The following CACHD1 variants were observed in gnomAD, a reference collection of about 807,000 sequenced individuals.
CACHD1 encodes the protein cache domain containing 1.
In CACHD1, 71 loss-of-function variants were observed where a neutral mutation model predicts 138.7. The ratio of observed to expected loss-of-function variants is 0.51; its 90% confidence interval spans 0.42 to 0.62. The LOEUF (loss-of-function observed/expected upper bound fraction) is 0.62, where lower values mean the gene tolerates loss of function less well. Ranked by LOEUF, CACHD1 falls within the 20% of genes least tolerant of loss-of-function variation. The pLI is 0.00. For missense variants in CACHD1, 1,389 were observed against 1,625.3 expected (o/e 0.85, Z 2.50); for synonymous variants, 578 against 591.5 (o/e 0.98, Z 0.33).
chr1:64,639,472 A>G (rs1648630435), intron 7 of CACHD1, among the ~76,000 whole-genome samples: 1 of 152,236 alleles, frequency 6.6e-6, no homozygotes, highest in South Asian at 2.1e-4. Context: ...TCTGATAACT[A>G]AATAGTGAAA....
Position 64,602,816 on chromosome 1 carries a change from A to G in CACHD1, c.421A>G (p.Asn141Asp). 2 of 1,610,770 alleles carry G rather than the reference A, an allele frequency of 1.2e-6. No individual in the cohort carries two copies. Among genetic ancestry groups the G allele is most frequent in the Non-Finnish European group, 1.7e-6 (2 of 1,177,320 alleles). ...IPPSMMEFDG[N>D]FNTNVSRTIS... ...CTCCTATTGTTTCAGATTCGATGGG[A>G]ACTTTAATACCAATGTGTCTAGAAC... The change falls in exon 4 of 27, where the codon AAC becomes GAC. Residue 141 changes from asparagine to aspartate, a missense_variant. Physicochemically the swap from Asn to Asp is conservative, Grantham distance 23. Transcript: ENST00000651257.
intron 3 of CACHD1, among the ~76,000 whole-genome samples, chr1:64,599,512 C>A (rs1647193246): frequency 6.6e-6 from 1 of 151,918 alleles, no homozygotes; most frequent in African/African-American, 2.4e-5. Flanking sequence ...CAGAAGAGCA[C>A]ATAGGGAGGG....
intron 3 of CACHD1, among the ~76,000 whole-genome samples, chr1:64,595,100 C>T (rs143194102): frequency 6.6e-5 from 10 of 152,312 alleles, no homozygotes; most frequent in African/African-American, 2.2e-4. Context: ...TGCATGTGTG[C>T]TGGTAGATGG....
chr1:64,478,698 A>G (rs1233768614), intron 1 of CACHD1, among the ~76,000 whole-genome samples: 2 of 152,212 alleles, frequency 1.3e-5, no homozygotes. Context: ...TATGGGATCT[A>G]GAGTACACCC....
chr1:64,652,356 A>G, intron 10 of CACHD1, 46 bp downstream of exon 10: 1 of 1,516,934 alleles, frequency 6.6e-7, no homozygotes, highest in Non-Finnish European at 8.9e-7. Context: ...TTAGAAACCT[A>G]AAGAAAATAA....
At chr1:64,617,141 A>C (rs539163670) in intron 4 of CACHD1, among the ~76,000 whole-genome samples, 1,317 of 122,470 alleles carry the variant, frequency 0.011, 23 homozygotes, top group African/African-American at 0.037. Context: ...TTTGTGAAAA[A>C]AAAACAAAAC....
intron 5 of CACHD1, 148 bp from the exon 6 acceptor site, chr1:64,632,451 C>T (rs898232609): frequency 6.9e-6 from 5 of 729,838 alleles, no homozygotes; most frequent in Middle Eastern, 8.2e-4. Context: ...TATGGTTTCT[C>T]CTTCCATGTG....
chr1:64,495,356 G>A (rs1022596097), intron 1 of CACHD1, among the ~76,000 whole-genome samples: 2 of 152,160 alleles, frequency 1.3e-5, no homozygotes, highest in African/African-American at 2.4e-5. Context: ...ACAGTATACA[G>A]TGTCTATGCT....
intron 1 of CACHD1, among the ~76,000 whole-genome samples, chr1:64,534,295 C>T (rs1031584670): frequency 6.6e-6 from 1 of 152,110 alleles, no homozygotes; most frequent in African/African-American, 2.4e-5. Context: ...CCACCCACCT[C>T]GGCCTCCCAA....
chr1:64,562,686 G>T (rs747611775), intron 2 of CACHD1, among the ~76,000 whole-genome samples: 1 of 151,740 alleles, frequency 6.6e-6, no homozygotes, highest in Non-Finnish European at 1.5e-5. Context: ...CTCCCAAAGT[G>T]CTGGGATTAC....
At chr1:64,664,177 A>C in intron 14 of CACHD1, 2 of 450,086 alleles carry the variant, frequency 4.4e-6, no homozygotes, top group East Asian at 7.4e-5. Context: ...CGAGATAAAT[A>C]TAAGTATAAA....
intron 2 of CACHD1, 76 bp from the exon 3 acceptor site, chr1:64,582,080 A>G: frequency 2.7e-6 from 4 of 1,476,870 alleles, no homozygotes. Flanking sequence ...GACACAGATT[A>G]CTAGTTTATT....
chr1:64,540,650 C>T (rs753049690), intron 1 of CACHD1, among the ~76,000 whole-genome samples: 73 of 152,054 alleles, frequency 4.8e-4, no homozygotes, highest in Non-Finnish European at 3.8e-4. Context: ...GTTTACTCAC[C>T]CGCTCTCCTG....
chr1:64,664,163 C>CA (rs1649547200), intron 14 of CACHD1: 3 of 450,230 alleles, frequency 6.7e-6, no homozygotes, highest in African/African-American at 5.9e-5. Flanking sequence ...CCCCTGCTGT[C>CA]TCTCGAGATA....
At chr1:64,672,224 C>T (rs753442904) in intron 17 of CACHD1, among the ~76,000 whole-genome samples, 2 of 152,214 alleles carry the variant, frequency 1.3e-5, no homozygotes, top group African/African-American at 2.4e-5. Context: ...AGTTCCACCT[C>T]ATGGTTCATG....
intron 26 of CACHD1, among the ~76,000 whole-genome samples, chr1:64,685,884 C>G (rs1650352933): frequency 6.6e-6 from 1 of 151,544 alleles, no homozygotes; most frequent in African/African-American, 2.4e-5. Flanking sequence ...GGTGGAGTTG[C>G]AATGAGGATG....
chr1:64,548,037 CTAAGA>C (rs988914658), intron 1 of CACHD1, among the ~76,000 whole-genome samples: 1 of 152,166 alleles, frequency 6.6e-6, no homozygotes, highest in African/African-American at 2.4e-5. Flanking sequence ...AAAAGATCTA[CTAAGA>C]TAAAAGTATT....
intron 1 of CACHD1, among the ~76,000 whole-genome samples, chr1:64,540,714 C>T (rs1646671111): frequency 6.6e-6 from 1 of 152,180 alleles, no homozygotes; most frequent in Non-Finnish European, 1.5e-5. Flanking sequence ...ACTCTTCTCG[C>T]TGAGATGATT....
At chr1:64,625,780 A>T (rs962870876) in intron 4 of CACHD1, among the ~76,000 whole-genome samples, 5 of 152,128 alleles carry the variant, frequency 3.3e-5, no homozygotes, top group Admixed American at 6.5e-5. Flanking sequence ...AATAAAAAAA[A>T]ATTTTTTAAA....
Sources: gnomAD v4.1 joint callset for allele counts (sites outside exome capture counted in the v4.1 genomes callset) on GRCh38, gnomAD v4.1.1 for gene constraint, MANE v1.5 for transcripts, NCBI Gene and HGNC (gene_info 2026-07-23, HGNC 2026-07-21) for gene names.